ZNF548: variants seen among roughly 807,000 people sequenced by gnomAD.
ZNF548 encodes zinc finger protein 548.
A neutral mutation model predicts 10.2 loss-of-function variants in ZNF548; 10 were observed. The observed-to-expected ratio is 0.98, with a 90% CI of 0.60 to 1.66. The LOEUF is 1.66. Ranked by LOEUF, ZNF548 falls within the 40% of genes most tolerant of loss-of-function variation. ZNF548 has a pLI of 0.00. For missense variants in ZNF548, 599 were observed against 657.0 expected (o/e 0.91, Z 0.97); for synonymous variants, 217 against 223.5 (o/e 0.97, Z 0.26).
rs1461736665 is a variant in ZNF548 at position 57,389,976 on chromosome 19, C to G, written c.-124C>G. The G allele has an allele frequency of 2.4e-6, 3 of 1,261,018 alleles. No homozygotes were observed. The East Asian group carries it at 7.4e-5, about 31-fold the overall frequency. The allele number at this position is 1,261,018 out of a possible 1,614,324, so 78.1% of individuals were successfully genotyped here. ...GAACGGAAAAGCGCGAGAAGCGGCT[C>G]GGTTCCCACCACGGAGAGGCGGGAG... On this transcript the variant is annotated 5_prime_UTR_variant, in exon 1 of 4. Transcript: ENST00000336128.
In ZNF548 at chr19:57,399,507, G is replaced by A. The variant is rs2088696554; in HGVS notation, c.1256G>A (p.Arg419Lys). The A allele has an allele frequency of 6.2e-7, 1 of 1,613,288 alleles. No homozygotes were observed. Among genetic ancestry groups the A allele is most frequent in the Non-Finnish European group, 8.5e-7 (1 of 1,179,844 alleles). ...GGGAAATCATTTAGGTACCACTGCA[G>A]GCTCATTAGACACCAGAGAGTCCAC... ...ECGKSFRYHC[R>K]LIRHQRVHTG... is the part of the protein sequence containing the mutation. The change falls in exon 4 of 4, where the codon AGG becomes AAG. Residue 419 changes from arginine to lysine, a missense_variant. Physicochemically the swap from Arg to Lys is conservative, Grantham distance 26 (BLOSUM62 2). Coordinates refer to ENST00000336128, the MANE Select transcript of ZNF548 (RefSeq NM_001172773.2). This position sits in a 1 kb window ranked among gnomAD's most constrained non-coding sequence, Gnocchi z 4.0.
Position 57,399,258 on chromosome 19 carries a change from T to G in ZNF548, c.1007T>G (p.Leu336Arg). 2 of 1,614,034 alleles carry G rather than the reference T, an allele frequency of 1.2e-6. No individual in the cohort carries two copies. The highest frequency in any genetic ancestry group is 8.5e-7 in the Non-Finnish European group (1 of 1,179,956). Residue 336 changes from leucine to arginine, a missense_variant, in exon 4 of 4, where the codon CTC becomes CGC. Physicochemically the swap from Leu to Arg is moderately radical, Grantham distance 102. Coordinates refer to ENST00000336128, the MANE Select transcript of ZNF548 (RefSeq NM_001172773.2). The surrounding 1 kb of genome is among the most constrained non-coding windows in gnomAD (Gnocchi z 4.0). ...AAATTCTTTATGGACAGCTCCACAC[T>G]CATTAAACATCAGAGAGTTCACACC... ...CGKFFMDSST[L>R]IKHQRVHTGE...
At chr19:57,396,723 A>G (rs1185525332) in intron 2 of ZNF548, among the ~76,000 whole-genome samples, 1 of 152,224 alleles carries the variant, frequency 6.6e-6, no homozygotes, top group African/African-American at 2.4e-5. Flanking sequence ...AGTTTAGTCC[A>G]CGGACGCTAT....
intron 1 of ZNF548, chr19:57,392,736 A>G (rs1310712652): frequency 2.0e-6 from 2 of 981,732 alleles, no homozygotes; most frequent in Non-Finnish European, 2.4e-6. Context: ...GTTACTAACA[A>G]CTTGTAGTAT....
intron 2 of ZNF548, among the ~76,000 whole-genome samples, chr19:57,394,829 A>G (rs576031596): frequency 1.8e-4 from 27 of 152,258 alleles, no homozygotes; most frequent in African/African-American, 4.8e-4. Flanking sequence ...ATTTTATGAT[A>G]CAGAGAGTGA....
intron 1 of ZNF548, among the ~76,000 whole-genome samples, chr19:57,392,306 C>A (rs938979381): frequency 1.3e-5 from 2 of 152,144 alleles, no homozygotes; most frequent in Non-Finnish European, 2.9e-5. Context: ...TAGGTCCTGT[C>A]TACTTTTGTT....
Position 57,400,257 on chromosome 19 carries a change from CATTT to C in ZNF548, c.*375_*378del. ...AATATTCTATGGTATTTATATACCA[CATTT>C]ATTTATCCATTCATCTGTTAGTGGA... On this transcript the variant is annotated 3_prime_UTR_variant, in exon 4 of 4. Coordinates refer to ENST00000336128, the MANE Select transcript of ZNF548 (RefSeq NM_001172773.2). 5.4e-6 allele frequency: 1 copy of C among 185,190 alleles called. No individual in the cohort carries two copies. The highest frequency in any genetic ancestry group is 1.1e-5 in the Non-Finnish European group (1 of 87,864). 11.5% of individuals were successfully genotyped at this position (185,190 alleles called of 1,614,324 possible).
chr19:57,390,148 C>A (rs1200138979), intron 1 of ZNF548, 34 bp downstream of exon 1: 2 of 1,604,370 alleles, frequency 1.2e-6, no homozygotes, highest in Non-Finnish European at 8.5e-7. Flanking sequence ...CCCGCCCGAC[C>A]GGTCCTCCCA....
In ZNF548 at chr19:57,399,400, G is replaced by A; in HGVS notation, c.1149G>A (p.Gly383=). Residue 383 remains glycine, a synonymous_variant, in exon 4 of 4, where the codon GGG becomes GGA. Transcript: ENST00000336128. The surrounding 1 kb of genome is among the most constrained non-coding windows in gnomAD (Gnocchi z 4.0). ...GERPYECSVC[G]ELFRYNSSLV... ...GGCCTTATGAGTGCAGTGTATGTGG[G>A]GAATTGTTTAGGTACAACTCCAGCC... is the stretch of plus-strand genomic sequence containing the variant. 6.2e-7 allele frequency: 1 copy of A among 1,614,002 alleles called. No individual in the cohort carries two copies. Among genetic ancestry groups the A allele is most frequent in the Non-Finnish European group, 8.5e-7 (1 of 1,179,998 alleles).
Position 57,398,873 on chromosome 19 carries a change from G to C in ZNF548, c.622G>C (p.Asp208His). The change falls in exon 4 of 4, where the codon GAT (aspartate) becomes CAT (histidine). Residue 208 changes from aspartate (D) to histidine (H), a missense_variant. By Grantham distance (81) the Asp-to-His change is moderately conservative (BLOSUM62 -1). Transcript: ENST00000336128. ...AGAAGCCTTTCAGACTGGACAAAAT[G>C]ATTACAAATGTAGTGAATGTGGGAA... is the stretch of plus-strand genomic sequence containing the variant. ...DREAFQTGQNDYKCSECGKTF... is the reference protein window; with the variant it reads ...DREAFQTGQNHYKCSECGKTF... 6.2e-7 allele frequency: 1 copy of C among 1,614,042 alleles called. No individual in the cohort carries two copies. The highest frequency in any genetic ancestry group is 2.2e-5 in the East Asian group (1 of 44,882).
chr19:57,398,956 G>T lies in ZNF548; in HGVS notation c.705G>T (p.Arg235Ser), dbSNP rs769956796. Residue 235 changes from arginine (R) to serine (S), a missense_variant, in exon 4 of 4, where the codon AGG becomes AGT. Arg to Ser is a moderately radical substitution (Grantham distance 110). Coordinates refer to ENST00000336128, the MANE Select transcript of ZNF548 (RefSeq NM_001172773.2). Reference protein sequence around the residue: ...VEHQKIHTGERSYECNKCGKF... With the variant: ...VEHQKIHTGESSYECNKCGKF... ...ACCAGAAAATCCACACAGGAGAAAG[G>T]TCTTATGAATGTAACAAATGTGGGA... 1 of 1,614,050 alleles carries T rather than the reference G, an allele frequency of 6.2e-7. No homozygotes were observed. Among genetic ancestry groups the T allele is most frequent in the South Asian group, 1.1e-5 (1 of 91,080 alleles).
intron 1 of ZNF548, 31 bp from the exon 2 acceptor site, chr19:57,394,157 T>C (rs749369937): frequency 3.6e-5 from 57 of 1,596,602 alleles, no homozygotes; most frequent in Non-Finnish European, 4.8e-5. Flanking sequence ...TCCATGGCTG[T>C]CAATTTCTCA....
chr19:57,398,212 C>T (rs955148019), intron 3 of ZNF548, among the ~76,000 whole-genome samples: 1 of 152,196 alleles, frequency 6.6e-6, no homozygotes. Context: ...CTGTACCATA[C>T]CCCTCCCTTG....
At chr19:57,390,582 G>C (rs527900725) in intron 1 of ZNF548, 5 of 157,264 alleles carry the variant, frequency 3.2e-5, no homozygotes, top group Non-Finnish European at 7.0e-5. Context: ...AGTAGAGGGA[G>C]ATGTGATGAG....
At chr19:57,390,308 G>C in intron 1 of ZNF548, 194 bp downstream of exon 1, 1 of 533,120 alleles carries the variant, frequency 1.9e-6, no homozygotes, top group East Asian at 3.1e-5. Flanking sequence ...AGGCGCTGCC[G>C]AGTGGGCTGT....
At chr19:57,396,952 T>G in intron 2 of ZNF548, 96 bp from the exon 3 acceptor site, 1 of 1,503,496 alleles carries the variant, frequency 6.7e-7, no homozygotes, top group Non-Finnish European at 8.9e-7. Flanking sequence ...TGGCCCTGTG[T>G]TTAATGGGTG....
rs1444178027 is a variant in ZNF548, at chr19:57,399,751, A to G, written c.1500A>G (p.Arg500=). The G allele has an allele frequency of 6.2e-7, 1 of 1,614,070 alleles. No individual in the cohort carries two copies. Among genetic ancestry groups the G allele is most frequent in the Non-Finnish European group, 8.5e-7 (1 of 1,180,034 alleles). Residue 500 remains arginine (R), a synonymous_variant, in exon 4 of 4, where the codon AGA becomes AGG. Coordinates refer to ENST00000336128, the MANE Select transcript of ZNF548 (RefSeq NM_001172773.2). The surrounding 1 kb of genome is among the most constrained non-coding windows in gnomAD (Gnocchi z 4.0). The part of the protein sequence containing the change: ...ECSECQKAFI[R]KSHLVHHQKI... ...GCGAATGCCAGAAGGCCTTTATTAG[A>G]AAGTCTCACCTGGTTCATCACCAGA...
At position 57,399,516 on chromosome 19, in the gene ZNF548, G is replaced by A; in HGVS notation, c.1265G>A (p.Arg422Lys). The A allele has an allele frequency of 6.2e-7, 1 of 1,614,040 alleles. No homozygotes were observed. Among genetic ancestry groups the A allele is most frequent in the East Asian group, 2.2e-5 (1 of 44,872 alleles). ...TTTAGGTACCACTGCAGGCTCATTA[G>A]ACACCAGAGAGTCCACACGGGAGAA... ...KSFRYHCRLI[R>K]HQRVHTGERP... Residue 422 changes from arginine to lysine, a missense_variant, in exon 4 of 4, where the codon AGA becomes AAA. Physicochemically the swap from Arg to Lys is conservative, Grantham distance 26. Transcript: ENST00000336128. This position sits in a 1 kb window ranked among gnomAD's most constrained non-coding sequence, Gnocchi z 4.0.
Position 57,402,423 on chromosome 19 carries a change from T to C in ZNF548, c.*2534T>C, listed in dbSNP as rs2088724727. 1 of 152,232 alleles carries C rather than the reference T, an allele frequency of 6.6e-6. No individual in the cohort carries two copies. 9.4% of individuals were successfully genotyped at this position (152,232 alleles called of 1,614,324 possible). A position where few individuals can be genotyped will look rare whatever the true frequency, so the allele number is the denominator to read the frequency against. On this transcript the variant is annotated 3_prime_UTR_variant, in exon 4 of 4. Transcript: ENST00000336128. Reference sequence around the variant, plus strand: ...CGTAGCTAATGCAATCCGCTTGCCTTACCTAAGTTGTCCCCTGCAGCCTCA... The same window carrying C: ...CGTAGCTAATGCAATCCGCTTGCCTCACCTAAGTTGTCCCCTGCAGCCTCA...
Sources: allele counts gnomAD v4.1 joint callset (sites outside exome capture counted in the v4.1 genomes callset), GRCh38; gene constraint gnomAD v4.1.1; non-coding constraint Gnocchi (gnomAD v3.1); transcripts MANE v1.5; gene names NCBI Gene and HGNC (gene_info 2026-07-23, HGNC 2026-07-21).